Variants in ATP13A3 observed in about 807,000 individuals in gnomAD.
ATP13A3 encodes the protein ATPase 13A3, also known as polyamine-transporting ATPase 13A3.
Under a neutral mutation model 158.1 loss-of-function variants are expected in ATP13A3, and 59 were observed. The ratio of observed to expected loss-of-function variants is 0.37; its 90% CI spans 0.30 to 0.46. ATP13A3 has a LOEUF of 0.46. Ranked by LOEUF, ATP13A3 falls within the 20% of genes least tolerant of loss-of-function variation. The pLI, the probability that ATP13A3 is intolerant of heterozygous loss-of-function variation, is 1.00. For missense variants in ATP13A3, 1,166 were observed against 1,525.2 expected, an observed-to-expected ratio of 0.76 and a Z score of 3.92; for synonymous variants, 491 against 504.3, an observed-to-expected ratio of 0.97 and a Z score of 0.35.
chr3:194,415,661 C>CTTTTTTT lies in ATP13A3; in HGVS notation c.3403-1829_3403-1823dup, dbSNP rs751005733. Among the ~76,000 whole-genome samples, 33 of 90,928 alleles carry CTTTTTTT rather than the reference C, an allele frequency of 3.6e-4. 4 individuals are homozygous for CTTTTTTT. Among genetic ancestry groups the CTTTTTTT allele is most frequent in the African/African-American group, 9.5e-4 (20 of 21,120 alleles). 59.7% of individuals were successfully genotyped at this position (90,928 alleles called of 152,430 possible). A position where few individuals can be genotyped will look rare whatever the true frequency, so the allele number is the denominator to read the frequency against. ...GTGCAAGGATTTACAATACCACATTCTTTTTTTTTTTTTTTTTTTTTTTTT... is the reference window on the plus strand; with the variant it reads ...GTGCAAGGATTTACAATACCACATTCTTTTTTTTTTTTTTTTTTTTTTTTTTTTTTTT... On this transcript the variant is annotated intron_variant, in intron 31 of 33. Transcript: ENST00000645319.
intron 11 of ATP13A3, 90 bp downstream of exon 11, chr3:194,450,055 T>C: frequency 1.5e-6 from 2 of 1,353,714 alleles, no homozygotes; most frequent in Non-Finnish European, 2.1e-6. Context: ...AAGGTACAAA[T>C]GACATAGCTA....
chr3:194,444,688 A>ATAGT (rs1718279570), intron 15 of ATP13A3, 37 bp downstream of exon 15: 1 of 1,510,446 alleles, frequency 6.6e-7, no homozygotes, highest in African/African-American at 1.4e-5. Flanking sequence ...AATATTAAAA[A>ATAGT]TAAACTAATA....
In ATP13A3 at chr3:194,460,723, G is replaced by A. The variant is rs1318226085; in HGVS notation, c.160C>T (p.Arg54Trp). 1.9e-6 allele frequency: 3 copies of A among 1,614,024 alleles called. No homozygotes were observed. Among genetic ancestry groups the A allele is most frequent in the Admixed American group, 1.7e-5 (1 of 60,010 alleles). ...LLLLYWMPEW[R>W]VKATCVRAAI... ...GCTCTGACACAGGTCGCTTTCACCC[G>A]CCACTCAGGCATCCAATAGAGGAGG... Residue 54 changes from arginine to tryptophan, a missense_variant, in exon 4 of 34, where the codon CGG (arginine) becomes TGG (tryptophan). Physicochemically the swap from Arg to Trp is moderately radical, Grantham distance 101. Transcript: ENST00000645319.
At chr3:194,473,379 C>A (rs887724621) in intron 2 of ATP13A3, among the ~76,000 whole-genome samples, 1 of 151,120 alleles carries the variant, frequency 6.6e-6, no homozygotes, top group African/African-American at 2.4e-5. Flanking sequence ...AGTTGTAAAG[C>A]AAGGAAGAGA....
rs1017832622 is a variant in ATP13A3 at position 194,439,531 on chromosome 3, T to C, written c.1711-559A>G. 4.6e-5 allele frequency among the ~76,000 whole-genome samples: 7 copies of C among 152,320 alleles called. 2 individuals are homozygous for C. Among genetic ancestry groups the C allele is most frequent in the Admixed American group, 4.6e-4 (7 of 15,306 alleles). ...AAAAACATTCGAAGAAAAACGTATA[T>C]TAAACACACACTATAATTAGTGGGA... On this transcript the variant is annotated intron_variant, in intron 16 of 33. Coordinates refer to ENST00000645319, the MANE Select transcript of ATP13A3 (RefSeq NM_001367549.1).
chr3:194,466,452 A>G (rs1467385963), intron 2 of ATP13A3, among the ~76,000 whole-genome samples: 3 of 152,212 alleles, frequency 2.0e-5, no homozygotes, highest in Non-Finnish European at 2.9e-5. Context: ...CTAATCAAGG[A>G]ACTTAATAAG....
At chr3:194,424,156 C>T (rs1000045581) in intron 30 of ATP13A3, among the ~76,000 whole-genome samples, 1 of 151,746 alleles carries the variant, frequency 6.6e-6, no homozygotes, top group Non-Finnish European at 1.5e-5. Context: ...GGTTCTAATA[C>T]AGTTCTTAGT....
intron 10 of ATP13A3, 191 bp from the exon 11 acceptor site, chr3:194,450,467 T>TA (rs1718728252): frequency 1.8e-6 from 1 of 549,828 alleles, no homozygotes. Flanking sequence ...GTCAGCTAGT[T>TA]AGTCTCCTGC....
At chr3:194,471,324 TAAAAAAAA>T (rs59967046) in intron 2 of ATP13A3, among the ~76,000 whole-genome samples, 2 of 88,110 alleles carry the variant, frequency 2.3e-5, no homozygotes, top group African/African-American at 7.1e-5. Flanking sequence ...CAGCAAATTC[TAAAAAAAA>T]AAAAAAAAAA....
At chr3:194,417,634 T>G (rs965435117) in intron 31 of ATP13A3, among the ~76,000 whole-genome samples, 1 of 151,966 alleles carries the variant, frequency 6.6e-6, no homozygotes, top group Non-Finnish European at 1.5e-5. Flanking sequence ...AAAACACTAT[T>G]AGTCATATAT....
intron 2 of ATP13A3, among the ~76,000 whole-genome samples, chr3:194,465,434 G>A (rs1577084611): frequency 1.3e-5 from 2 of 152,120 alleles, no homozygotes; most frequent in East Asian, 3.9e-4. Flanking sequence ...AACTACCGAA[G>A]GCCAGGGAAA....
intron 2 of ATP13A3, chr3:194,467,807 A>G (rs554902696): frequency 4.6e-5 from 7 of 152,246 alleles, no homozygotes; most frequent in Non-Finnish European, 8.8e-5. Flanking sequence ...ATAAAAATAC[A>G]TATTAAATAC....
Position 194,457,167 on chromosome 3 carries a change from C to G in ATP13A3, c.487G>C (p.Asp163His). ...ATTGACGTACAAGAAACACCTTCAT[C>G]CAGTCCCCTAAATAAATCCAAAGTT... Reference protein sequence around the residue: ...IHNFDFLKGLDEGVSCTSIYE... With the variant: ...IHNFDFLKGLHEGVSCTSIYE... Residue 163 changes from aspartate to histidine, a missense_variant, in exon 7 of 34, where the codon GAT (aspartate) becomes CAT (histidine). Around this residue, in one of 3 missense-constraint regions of ATP13A3, gnomAD observed 997 missense variants for 1,341.2 expected, o/e 0.74. Transcript: ENST00000645319. 6.2e-7 allele frequency: 1 copy of G among 1,612,610 alleles called. No individual in the cohort carries two copies. Among genetic ancestry groups the G allele is most frequent in the Non-Finnish European group, 8.5e-7 (1 of 1,179,038 alleles).
chr3:194,462,798 A>G (rs1444060723), intron 2 of ATP13A3, among the ~76,000 whole-genome samples: 2 of 152,222 alleles, frequency 1.3e-5, no homozygotes, highest in Admixed American at 6.5e-5. Flanking sequence ...GACATTTTCA[A>G]TGGGATACCA....
At position 194,469,632 on chromosome 3, in the gene ATP13A3, C is replaced by T. The variant is rs190086217; in HGVS notation, c.-46-7396G>A. ...TGTTGAATGAGAGAAGGAATTATCCCGCTTTGTTTTGCAGTCCTAGATTTT... is the reference window on the plus strand; with the variant it reads ...TGTTGAATGAGAGAAGGAATTATCCTGCTTTGTTTTGCAGTCCTAGATTTT... On this transcript the variant is annotated intron_variant, in intron 2 of 33. Coordinates refer to ENST00000645319, the MANE Select transcript of ATP13A3 (RefSeq NM_001367549.1). Among the ~76,000 whole-genome samples the T allele has an allele frequency of 2.4e-3, 363 of 152,156 alleles. 2 individuals carry two copies. Among genetic ancestry groups the T allele is most frequent in the African/African-American group, 7.9e-3 (330 of 41,524 alleles).
upstream of ATP13A3, chr3:194,487,041 C>T (rs1560120506): frequency 6.6e-6 from 1 of 150,900 alleles, no homozygotes; most frequent in Non-Finnish European, 1.5e-5. Flanking sequence ...GCTTCATCCC[C>T]GCGCGGAGGG....
At chr3:194,423,556 G>T (rs1716541777) in intron 30 of ATP13A3, among the ~76,000 whole-genome samples, 1 of 152,194 alleles carries the variant, frequency 6.6e-6, no homozygotes, top group South Asian at 2.1e-4. Flanking sequence ...GTACTTTTCA[G>T]AAGGCATGCT....
Position 194,404,322 on chromosome 3 carries a change from G to A in ATP13A3, c.*1597C>T, listed in dbSNP as rs1486929181. The A allele has an allele frequency of 3.8e-6, 1 of 261,140 alleles. No individual in the cohort carries two copies. The highest frequency in any genetic ancestry group is 2.4e-5 in the African/African-American group (1 of 42,522). 16.2% of individuals were successfully genotyped at this position (261,140 alleles called of 1,614,324 possible). ...GCAATAGCAGTAACAGTGATCCTGA[G>A]TGTAATTTCTATTTTTCTATAGTTA... On this transcript the variant is annotated 3_prime_UTR_variant, in exon 34 of 34. Coordinates refer to ENST00000645319, the MANE Select transcript of ATP13A3 (RefSeq NM_001367549.1).
intron 7 of ATP13A3, among the ~76,000 whole-genome samples, chr3:194,456,771 T>C (rs759981123): frequency 6.6e-6 from 1 of 152,156 alleles, no homozygotes; most frequent in South Asian, 2.1e-4. Flanking sequence ...AAGATAAAAA[T>C]GCTATCAAGA....
Sources: gnomAD v4.1 joint callset for allele counts (sites outside exome capture counted in the v4.1 genomes callset) on GRCh38, gnomAD v4.1.1 for gene constraint, gnomAD v4.1.1 regional missense constraint, MANE v1.5 for transcripts, NCBI Gene and HGNC (gene_info 2026-07-23, HGNC 2026-07-21) for gene names.